The following NMNAT1 variants were observed in gnomAD, a reference collection of about 807,000 sequenced individuals.
NMNAT1 encodes nicotinamide nucleotide adenylyltransferase 1.
In NMNAT1, 11 loss-of-function variants were observed where a neutral mutation model predicts 16.7. The ratio of observed to expected loss-of-function variants is 0.66; its 90% confidence interval spans 0.41 to 1.09. The LOEUF (loss-of-function observed/expected upper bound fraction) is 1.09. Among genes scored for constraint, NMNAT1 ranks in the 50% least tolerant of loss-of-function variants. NMNAT1 has a pLI of 0.00. For synonymous variants in NMNAT1, 110 were observed against 119.8 expected (o/e 0.92, Z 0.53); for missense variants, 280 against 332.3 (o/e 0.84, Z 1.22).
At chr1:9,976,376 G>C (rs1226916670) in intron 3 of NMNAT1, among the ~76,000 whole-genome samples, 1 of 151,972 alleles carries the variant, frequency 6.6e-6, no homozygotes, top group Non-Finnish European at 1.5e-5. Context: ...GGCTTTCTGT[G>C]CCCCAAATGA....
At chr1:9,987,723 G>A (rs997587732), downstream of NMNAT1, among the ~76,000 whole-genome samples, 3 of 146,428 alleles carry the variant, frequency 2.0e-5, no homozygotes, top group African/African-American at 8.2e-5. Flanking sequence ...GAGCTACTTG[G>A]GAGGCTGAGG....
intron 1 of NMNAT1, among the ~76,000 whole-genome samples, chr1:9,944,475 C>A (rs995410046): frequency 1.3e-5 from 2 of 152,124 alleles, no homozygotes; most frequent in Admixed American, 1.3e-4. Context: ...AGAACAACAT[C>A]AGTGTTCATG....
intron 1 of NMNAT1, among the ~76,000 whole-genome samples, chr1:9,963,875 T>C (rs577792441): frequency 6.6e-6 from 1 of 152,158 alleles, no homozygotes; most frequent in African/African-American, 2.4e-5. Context: ...CAAATGACAA[T>C]GTGTATGAAT....
At chr1:9,968,682 AATGGC>A (rs1641617615) in intron 1 of NMNAT1, among the ~76,000 whole-genome samples, 1 of 148,280 alleles carries the variant, frequency 6.7e-6, no homozygotes, top group Admixed American at 6.9e-5. Context: ...GAGGCAGGAG[AATGGC>A]ATGAACCCAG....
At chr1:9,946,159 G>C (rs1320734245) in intron 1 of NMNAT1, among the ~76,000 whole-genome samples, 1 of 152,144 alleles carries the variant, frequency 6.6e-6, no homozygotes, top group Non-Finnish European at 1.5e-5. Flanking sequence ...TTTCTTCTCT[G>C]TGACTTAGTC....
At chr1:9,995,303 G>T in the NMNAT1 span, among the ~76,000 whole-genome samples, 1 of 152,018 alleles carries the variant, frequency 6.6e-6, no homozygotes, top group African/African-American at 2.4e-5. Flanking sequence ...GAAGGCTGAG[G>T]CAGGAAGATC....
intron 1 of NMNAT1, among the ~76,000 whole-genome samples, chr1:9,961,980 C>CTA (rs1414241094): frequency 6.6e-6 from 1 of 151,722 alleles, no homozygotes; most frequent in South Asian, 2.1e-4. Flanking sequence ...GTTGGTCAGG[C>CTA]TAGTCTCGAA....
chr1:9,949,116 A>G (rs1247815611), intron 1 of NMNAT1, among the ~76,000 whole-genome samples: 4 of 151,374 alleles, frequency 2.6e-5, no homozygotes, highest in Admixed American at 1.3e-4. Context: ...CTAAAAATAC[A>G]AAAATTAGCC....
rs377196882 is a variant in NMNAT1 at position 9,975,791 on chromosome 1, T to C, written c.299+16T>C. 1 of 1,593,758 alleles carries C rather than the reference T, an allele frequency of 6.3e-7. No individual in the cohort carries two copies. Among genetic ancestry groups the C allele is most frequent in the African/African-American group, 1.3e-5 (1 of 74,320 alleles). On this transcript the variant is annotated intron_variant, in intron 3 of 4. Transcript: ENST00000377205. ...AGGTGCTAAGGTATTTATGGTGTAA[T>C]CAACTTTGTCAGTTCTGTGTAAATG...
intron 1 of NMNAT1, chr1:9,950,448 T>C (rs1641080909): frequency 6.6e-6 from 1 of 152,254 alleles, no homozygotes; most frequent in Non-Finnish European, 1.5e-5. Flanking sequence ...TTGGCCCTGC[T>C]GTTCAGCTGA....
At chr1:9,956,504 C>T (rs1641265318) in intron 1 of NMNAT1, among the ~76,000 whole-genome samples, 2 of 150,770 alleles carry the variant, frequency 1.3e-5, no homozygotes, top group Non-Finnish European at 1.5e-5. Flanking sequence ...TCACTGCAAC[C>T]TCCACCTCCT....
At chr1:9,963,658 C>T (rs1412744022) in intron 1 of NMNAT1, among the ~76,000 whole-genome samples, 1 of 152,086 alleles carries the variant, frequency 6.6e-6, no homozygotes, top group Non-Finnish European at 1.5e-5. Flanking sequence ...CCGCCCACCT[C>T]AGCCTCCCAA....
At chr1:9,963,349 T>C (rs1215992232) in intron 1 of NMNAT1, among the ~76,000 whole-genome samples, 1 of 152,152 alleles carries the variant, frequency 6.6e-6, no homozygotes, top group African/African-American at 2.4e-5. Flanking sequence ...TGCCAAGTCT[T>C]AGATGTACAC....
chr1:9,955,330 G>A (rs539485486), intron 1 of NMNAT1, among the ~76,000 whole-genome samples: 7 of 151,818 alleles, frequency 4.6e-5, no homozygotes, highest in African/African-American at 1.7e-4. Flanking sequence ...CTTGAACCCG[G>A]GAGGCGGAGG....
intron 1 of NMNAT1, among the ~76,000 whole-genome samples, chr1:9,970,342 T>C (rs1242210782): frequency 6.6e-6 from 1 of 152,138 alleles, no homozygotes; most frequent in Non-Finnish European, 1.5e-5. Flanking sequence ...CTGTTGGTTT[T>C]CATTAAGGGC....
chr1:9,962,677 G>GTTTTTTT (rs34747915), intron 1 of NMNAT1, among the ~76,000 whole-genome samples: 4 of 74,216 alleles, frequency 5.4e-5, no homozygotes, highest in Non-Finnish European at 6.6e-5. Flanking sequence ...CCAAATAAGG[G>GTTTTTTT]TTTTTTTTTT....
At chr1:9,995,457 C>T in the NMNAT1 span, among the ~76,000 whole-genome samples, 2 of 151,848 alleles carry the variant, frequency 1.3e-5, no homozygotes, top group African/African-American at 4.8e-5. Flanking sequence ...CTTTGGGAAG[C>T]TTAGGTGGGT....
At position 9,943,482 on chromosome 1, in the gene NMNAT1, G is replaced by C. The variant is rs1469257523; in HGVS notation, c.-90G>C. 2 of 152,354 alleles carry C rather than the reference G, an allele frequency of 1.3e-5. No individual in the cohort carries two copies. The highest frequency in any genetic ancestry group is 3.8e-4 in the East Asian group (2 of 5,196). The allele number at this position is 152,354 out of a possible 1,614,324, so 9.4% of individuals were successfully genotyped here. A position where few individuals can be genotyped will look rare whatever the true frequency, so the allele number is the denominator to read the frequency against. ...GGCGTCCGGGCCGCTGGTGATCTCCGGTAGCACTCGGGCCGGCGGACAGTG... is the reference window on the plus strand; with the variant it reads ...GGCGTCCGGGCCGCTGGTGATCTCCCGTAGCACTCGGGCCGGCGGACAGTG... On this transcript the variant is annotated 5_prime_UTR_variant, in exon 1 of 5. Transcript: ENST00000377205.
chr1:9,958,972 G>C (rs372938662), intron 1 of NMNAT1, among the ~76,000 whole-genome samples: 2 of 152,126 alleles, frequency 1.3e-5, no homozygotes, highest in Non-Finnish European at 2.9e-5. Flanking sequence ...GACAAACTGA[G>C]AGTTAATCTA....
Sources: allele counts gnomAD v4.1 joint callset (sites outside exome capture counted in the v4.1 genomes callset), GRCh38; gene constraint gnomAD v4.1.1; transcripts MANE v1.5; gene names NCBI Gene and HGNC (gene_info 2026-07-23, HGNC 2026-07-21).